Variants in PLEKHD1 observed in about 807,000 individuals in gnomAD.
The protein encoded by PLEKHD1 is pleckstrin homology and coiled-coil domain containing D1.
A neutral mutation model predicts 69.2 loss-of-function variants in PLEKHD1; 51 were observed. The ratio of observed to expected loss-of-function variants is 0.74; its 90% CI spans 0.59 to 0.93. PLEKHD1 has a LOEUF of 0.93. PLEKHD1 is among the 40% of genes least tolerant of loss of function. The probability of loss-of-function intolerance (pLI) is 0.00; values close to 1 mark genes in which losing one functional copy is unlikely to be tolerated. For missense variants in PLEKHD1, 584 were observed against 641.0 expected (o/e 0.91, Z 0.96); for synonymous variants, 236 against 244.7 (o/e 0.96, Z 0.33).
the PLEKHD1 span, among the ~76,000 whole-genome samples, chr14:69,474,567 A>G: frequency 1.3e-5 from 2 of 152,164 alleles, no homozygotes; most frequent in Non-Finnish European, 2.9e-5. Context: ...GTATTAATTT[A>G]TGGCTTATGA....
At chr14:69,477,039 C>T in the PLEKHD1 span, among the ~76,000 whole-genome samples, 1 of 151,932 alleles carries the variant, frequency 6.6e-6, no homozygotes, top group Admixed American at 6.6e-5. Flanking sequence ...GACAATGTCT[C>T]CCTCTGGTGT....
At chr14:69,524,159 TA>T in intron 7 of PLEKHD1, 69 bp from the exon 8 acceptor site, 1 of 1,262,840 alleles carries the variant, frequency 7.9e-7, no homozygotes, top group Non-Finnish European at 1.1e-6. Flanking sequence ...AAAGCATTTC[TA>T]AGTGCAGAGG....
chr14:69,473,277 G>T, the PLEKHD1 span, among the ~76,000 whole-genome samples: 3 of 152,148 alleles, frequency 2.0e-5, no homozygotes, highest in Admixed American at 6.5e-5. Context: ...GCTCTACAGT[G>T]TCCAAACAAG....
the PLEKHD1 span, among the ~76,000 whole-genome samples, chr14:69,476,363 T>C: frequency 6.7e-6 from 1 of 150,066 alleles, no homozygotes; most frequent in Admixed American, 6.7e-5. Flanking sequence ...AACGCTAGCA[T>C]GGCCAACATA....
intron 1 of PLEKHD1, among the ~76,000 whole-genome samples, chr14:69,498,043 T>TTTA (rs1555337186): frequency 7.1e-5 from 9 of 127,436 alleles, no homozygotes; most frequent in African/African-American, 2.5e-4. Context: ...TTTTATTTTA[T>TTTA]TTTATTTTAT....
chr14:69,512,510 A>C (rs958215294), intron 6 of PLEKHD1, among the ~76,000 whole-genome samples: 1 of 151,492 alleles, frequency 6.6e-6, no homozygotes, highest in African/African-American at 2.4e-5. Flanking sequence ...TTCTTTTCTA[A>C]TATATTAATT....
intron 1 of PLEKHD1, among the ~76,000 whole-genome samples, chr14:69,497,967 A>G (rs561256338): frequency 2.0e-5 from 3 of 152,140 alleles, no homozygotes; most frequent in African/African-American, 7.2e-5. Context: ...CAGGAGGGTC[A>G]CTTGAGGCCA....
At chr14:69,481,365 G>A (rs1157569472), upstream of PLEKHD1, among the ~76,000 whole-genome samples, 1 of 152,194 alleles carries the variant, frequency 6.6e-6, no homozygotes, top group Non-Finnish European at 1.5e-5. Flanking sequence ...GTCTATCCCT[G>A]AGCACAGCTA....
At chr14:69,509,634 A>G (rs1362833027) in intron 6 of PLEKHD1, among the ~76,000 whole-genome samples, 1 of 151,730 alleles carries the variant, frequency 6.6e-6, no homozygotes, top group East Asian at 1.9e-4. Context: ...TTCAAGTACC[A>G]TATGTTGAAA....
chr14:69,501,717 C>T lies in PLEKHD1; in HGVS notation c.411-17C>T. On this transcript the variant is annotated splice_polypyrimidine_tract_variant and intron_variant, in intron 4 of 12. Coordinates refer to ENST00000322564, the MANE Select transcript of PLEKHD1 (RefSeq NM_001161498.2). ...CTTCCTCTTCTCTCCTCTGTCCCAT[C>T]TGCCCTCCCTCCCCAGGACCTGGAA... 1 of 1,537,200 alleles carries T rather than the reference C, an allele frequency of 6.5e-7. No homozygotes were observed. Among genetic ancestry groups the T allele is most frequent in the Non-Finnish European group, 8.8e-7 (1 of 1,135,100 alleles).
the PLEKHD1 span, among the ~76,000 whole-genome samples, chr14:69,471,731 C>G: frequency 1.3e-5 from 2 of 152,074 alleles, no homozygotes; most frequent in Admixed American, 1.3e-4. Context: ...TTTCCCATGC[C>G]AAAGGTGCCT....
At chr14:69,527,022 G>A (rs1490152140) in intron 10 of PLEKHD1, among the ~76,000 whole-genome samples, 166 bp from the exon 11 acceptor site, 1 of 152,190 alleles carries the variant, frequency 6.6e-6, no homozygotes, top group East Asian at 1.9e-4. Flanking sequence ...CTGGGTGCAG[G>A]TGCCAAGTCC....
intron 8 of PLEKHD1, among the ~76,000 whole-genome samples, chr14:69,524,831 GC>G (rs1056352646): frequency 6.6e-5 from 10 of 152,084 alleles, no homozygotes; most frequent in African/African-American, 2.2e-4. Context: ...GAAAACTCTG[GC>G]CCTGGTCTCC....
At chr14:69,507,960 GT>G (rs1380853389) in intron 6 of PLEKHD1, among the ~76,000 whole-genome samples, 4 of 152,128 alleles carry the variant, frequency 2.6e-5, no homozygotes, top group African/African-American at 9.7e-5. Flanking sequence ...GCCTCCTAAA[GT>G]GCTGGGATTA....
upstream of PLEKHD1, among the ~76,000 whole-genome samples, chr14:69,480,010 C>T (rs912092054): frequency 2.6e-5 from 4 of 152,194 alleles, no homozygotes; most frequent in African/African-American, 9.7e-5. Context: ...GCTGAGCACC[C>T]ACCACATGCC....
intron 7 of PLEKHD1, among the ~76,000 whole-genome samples, chr14:69,523,746 A>G (rs1000132715): frequency 3.3e-5 from 5 of 152,148 alleles, no homozygotes; most frequent in Non-Finnish European, 7.4e-5. Flanking sequence ...AAAATTGGGC[A>G]GGAGAAGGGA....
intron 9 of PLEKHD1, among the ~76,000 whole-genome samples, chr14:69,526,455 G>T (rs902253634): frequency 6.6e-6 from 1 of 152,074 alleles, no homozygotes; most frequent in Admixed American, 6.5e-5. Flanking sequence ...ACTTTTCTGA[G>T]GTCACAGAAC....
At chr14:69,475,176 C>T in the PLEKHD1 span, among the ~76,000 whole-genome samples, 2 of 152,230 alleles carry the variant, frequency 1.3e-5, no homozygotes, top group Non-Finnish European at 2.9e-5. Context: ...AGCATCTTGG[C>T]TTTCCCTTAG....
rs1242633987 is a variant in PLEKHD1, at chr14:69,501,672, G to A, written c.411-62G>A. ...CCTTCTCTTTCCCCTCTACCCTTCTGTTTTAATGATTTTCTGTTTCTTCCT... is the reference window on the plus strand; with the variant it reads ...CCTTCTCTTTCCCCTCTACCCTTCTATTTTAATGATTTTCTGTTTCTTCCT... On this transcript the variant is annotated intron_variant, in intron 4 of 12. Coordinates refer to ENST00000322564, the MANE Select transcript of PLEKHD1 (RefSeq NM_001161498.2). The A allele has an allele frequency of 2.3e-6, 3 of 1,314,566 alleles. No homozygotes were observed. The East Asian group carries it at 7.6e-5, about 33-fold the overall frequency. 81.4% of individuals were successfully genotyped at this position (1,314,566 alleles called of 1,614,324 possible). A position where few individuals can be genotyped will look rare whatever the true frequency, so the allele number is the denominator to read the frequency against.
Sources: gnomAD v4.1 joint callset for allele counts (sites outside exome capture counted in the v4.1 genomes callset) on GRCh38, gnomAD v4.1.1 for gene constraint, MANE v1.5 for transcripts, NCBI Gene and HGNC (gene_info 2026-07-23, HGNC 2026-07-21) for gene names.